LRRN2: variants seen among roughly 807,000 people sequenced by gnomAD.
LRRN2 encodes the protein leucine-rich repeat neuronal protein 2.
A neutral mutation model predicts 35.7 loss-of-function variants in LRRN2; 10 were observed. The observed-to-expected ratio is 0.28, with a 90% CI of 0.17 to 0.47. The LOEUF (loss-of-function observed/expected upper bound fraction) is 0.47. Ranked by LOEUF, LRRN2 falls within the 20% of genes least tolerant of loss-of-function variation. The pLI is 0.99. For missense variants in LRRN2, 731 were observed against 940.3 expected, an observed-to-expected ratio of 0.78 and a Z score of 2.91; for synonymous variants, 391 against 409.6, an observed-to-expected ratio of 0.95 and a Z score of 0.55.
chr1:204,676,881 A>G (rs933743745), intron 1 of LRRN2, among the ~76,000 whole-genome samples: 3 of 152,208 alleles, frequency 2.0e-5, no homozygotes, highest in Non-Finnish European at 2.9e-5. Context: ...CTCTGGAGTC[A>G]GAAAGATTTG....
intron 1 of LRRN2, chr1:204,664,059 T>C (rs1668526258): frequency 6.6e-6 from 1 of 152,028 alleles, no homozygotes; most frequent in Admixed American, 6.5e-5. Flanking sequence ...GCCAGGCTGG[T>C]GGGGATAGAA....
chr1:204,673,690 G>A (rs1267984929), intron 1 of LRRN2, among the ~76,000 whole-genome samples: 1 of 152,162 alleles, frequency 6.6e-6, no homozygotes, highest in African/African-American at 2.4e-5. Flanking sequence ...GCCTTGCCCT[G>A]GGGAAATCGT....
chr1:204,619,953 C>T lies in LRRN2; in HGVS notation c.40G>A (p.Ala14Thr). The T allele has an allele frequency of 5.6e-6, 9 of 1,612,640 alleles. No individual in the cohort carries two copies. The highest frequency in any genetic ancestry group is 7.6e-6 in the Non-Finnish European group (9 of 1,179,680). Residue 14 changes from alanine to threonine, a missense_variant, in exon 2 of 2, where the codon GCT becomes ACT. Transcript: ENST00000367177. ...ACGGGCACAGCGGCAGTGGCACCAG[C>T]CACCCAAGCTAGCAAGAGTGGGGCC... Reference protein sequence around the residue: ...LVAPLLLAWVAGATAAVPVVP... With the variant: ...LVAPLLLAWVTGATAAVPVVP...
intron 1 of LRRN2, among the ~76,000 whole-genome samples, chr1:204,650,598 C>A (rs1321086884): frequency 6.6e-6 from 1 of 152,146 alleles, no homozygotes; most frequent in Non-Finnish European, 1.5e-5. Flanking sequence ...CTTTGCCTAC[C>A]TGATGCCACC....
intron 1 of LRRN2, among the ~76,000 whole-genome samples, chr1:204,652,219 C>T (rs184751466): frequency 2.7e-5 from 4 of 150,836 alleles, no homozygotes; most frequent in East Asian, 3.9e-4. Context: ...GCCATGGGAC[C>T]CTTCCCCCTC....
At chr1:204,650,293 C>T (rs1288944428) in intron 1 of LRRN2, among the ~76,000 whole-genome samples, 1 of 152,232 alleles carries the variant, frequency 6.6e-6, no homozygotes. Flanking sequence ...TGTTTTCCCT[C>T]AGAAGCTGAT....
At chr1:204,662,027 G>T (rs1423142099) in intron 1 of LRRN2, among the ~76,000 whole-genome samples, 1 of 152,196 alleles carries the variant, frequency 6.6e-6, no homozygotes, top group Non-Finnish European at 1.5e-5. Flanking sequence ...CAGATGTGGA[G>T]TTTCATGGAA....
chr1:204,668,786 C>G (rs762614677), intron 1 of LRRN2, among the ~76,000 whole-genome samples: 1 of 152,144 alleles, frequency 6.6e-6, no homozygotes, highest in African/African-American at 2.4e-5. Flanking sequence ...AAATCGAACA[C>G]GATAATATAT....
chr1:204,676,258 CTT>C (rs1668822129), intron 1 of LRRN2, among the ~76,000 whole-genome samples: 1 of 152,104 alleles, frequency 6.6e-6, no homozygotes, highest in East Asian at 1.9e-4. Context: ...TCTTTCCACA[CTT>C]TGACCTTCAA....
At position 204,617,815 on chromosome 1, in the gene LRRN2, C is replaced by T. The variant is rs775432140; in HGVS notation, c.*36G>A. ...GCTTCTCTTTTGGTAAAAAGTAGTC[C>T]TAGTGATTTCTCTACTGCTGAGAAC... On this transcript the variant is annotated 3_prime_UTR_variant, in exon 2 of 2. Transcript: ENST00000367177. The T allele has an allele frequency of 1.2e-6, 2 of 1,608,768 alleles. No homozygotes were observed. Among genetic ancestry groups the T allele is most frequent in the Non-Finnish European group, 1.7e-6 (2 of 1,175,530 alleles).
intron 1 of LRRN2, among the ~76,000 whole-genome samples, chr1:204,670,358 G>A (rs969838874): frequency 7.2e-5 from 11 of 152,182 alleles, no homozygotes; most frequent in Admixed American, 4.6e-4. Flanking sequence ...ATCAGGCAGC[G>A]GGTGAGAAGG....
At chr1:204,666,388 A>C (rs1414127703) in intron 1 of LRRN2, among the ~76,000 whole-genome samples, 1 of 152,278 alleles carries the variant, frequency 6.6e-6, no homozygotes, top group Non-Finnish European at 1.5e-5. Context: ...TGCTAAGTGA[A>C]GAGCATAAAG....
intron 1 of LRRN2, among the ~76,000 whole-genome samples, chr1:204,641,005 G>GAAA (rs58950375): frequency 0.014 from 2,047 of 141,924 alleles, 23 homozygotes; most frequent in Non-Finnish European, 0.021. Flanking sequence ...GGTTAAAAAA[G>GAAA]AAAAAAAAAA....
At chr1:204,629,143 G>C (rs575281845) in intron 1 of LRRN2, 8 of 152,600 alleles carry the variant, frequency 5.2e-5, no homozygotes, top group African/African-American at 1.9e-4. Context: ...GCAAGGGCGG[G>C]GGGAAGGGGA....
intron 1 of LRRN2, among the ~76,000 whole-genome samples, chr1:204,637,693 T>TGTGTGTGTGTG (rs1667867952): frequency 8.0e-6 from 1 of 125,230 alleles, no homozygotes; most frequent in Non-Finnish European, 1.7e-5. Flanking sequence ...TGTGTGTGTG[T>TGTGTGTGTGTG]TTGGGGGCAG....
intron 1 of LRRN2, among the ~76,000 whole-genome samples, chr1:204,624,448 C>A (rs1292715291): frequency 6.6e-6 from 1 of 152,180 alleles, no homozygotes; most frequent in East Asian, 1.9e-4. Context: ...GTTGGTTGCC[C>A]ACTCCAAGGG....
intron 1 of LRRN2, chr1:204,622,284 G>T (rs1319353494): frequency 3.8e-5 from 6 of 159,774 alleles, no homozygotes; most frequent in Admixed American, 6.5e-5. Flanking sequence ...ATCCAGGCAG[G>T]TGCCTCTCAG....
chr1:204,638,273 G>C (rs1332049794), intron 1 of LRRN2, among the ~76,000 whole-genome samples: 1 of 152,100 alleles, frequency 6.6e-6, no homozygotes, highest in Non-Finnish European at 1.5e-5. Flanking sequence ...AACAGGACTC[G>C]GCTCTGTGAT....
chr1:204,662,855 C>T (rs1668499493), intron 1 of LRRN2, among the ~76,000 whole-genome samples: 1 of 152,134 alleles, frequency 6.6e-6, no homozygotes, highest in Non-Finnish European at 1.5e-5. Context: ...CTACTTACAG[C>T]CTGGTTTCAT....
Sources: allele counts gnomAD v4.1 joint callset (sites outside exome capture counted in the v4.1 genomes callset), GRCh38; gene constraint gnomAD v4.1.1; transcripts MANE v1.5; gene names NCBI Gene and HGNC (gene_info 2026-07-23, HGNC 2026-07-21).